The following ATF1 variants were observed in gnomAD, a reference collection of about 807,000 sequenced individuals.
The protein encoded by ATF1 is cyclic AMP-dependent transcription factor ATF-1.
ATF1 carries 16 observed loss-of-function variants against 34.7 expected under a neutral mutation model. The ratio of observed to expected loss-of-function variants is 0.46; its 90% CI spans 0.31 to 0.70. The LOEUF is 0.70. Ranked by LOEUF, ATF1 falls within the 30% of genes least tolerant of loss-of-function variation. ATF1 has a pLI of 0.05. For synonymous variants in ATF1, 105 were observed against 113.1 expected, an observed-to-expected ratio of 0.93 and a Z score of 0.46; for missense variants, 255 against 321.6, an observed-to-expected ratio of 0.79 and a Z score of 1.58.
intron 1 of ATF1, 171 bp downstream of exon 1, chr12:50,764,478 C>T (rs1331919054): frequency 6.6e-6 from 1 of 151,910 alleles, no homozygotes; most frequent in African/African-American, 2.4e-5. Context: ...GCGCTTCCGG[C>T]CTCCGCGCCT....
intron 2 of ATF1, among the ~76,000 whole-genome samples, chr12:50,795,568 C>A (rs1284730982): frequency 6.6e-6 from 1 of 152,154 alleles, no homozygotes; most frequent in African/African-American, 2.4e-5. Flanking sequence ...AGTAATAAAA[C>A]AACACTTTTA....
In ATF1 at chr12:50,814,240, CACTT is replaced by C. The variant is rs748504510; in HGVS notation, c.512-36_512-33del. The C allele has an allele frequency of 2.0e-5, 32 of 1,613,394 alleles. No individual in the cohort carries two copies. In the East Asian group the frequency reaches 6.2e-4, roughly 31 times the overall value. Reference sequence around the variant, plus strand: ...GAAAGTCTCCTAACACTGTCAGAGACACTTACTAACTAACTCATTCACTCTTGTT... The same window carrying C: ...GAAAGTCTCCTAACACTGTCAGAGACACTAACTAACTCATTCACTCTTGTT... On this transcript the variant is annotated intron_variant, in intron 5 of 6. Transcript: ENST00000262053.
chr12:50,771,488 A>G (rs1247298536), intron 1 of ATF1, among the ~76,000 whole-genome samples: 1 of 152,148 alleles, frequency 6.6e-6, no homozygotes, highest in Non-Finnish European at 1.5e-5. Flanking sequence ...TGAATGCAAG[A>G]GACCCTCATA....
intron 2 of ATF1, among the ~76,000 whole-genome samples, chr12:50,780,775 A>G (rs139229239): frequency 0.017 from 2,556 of 152,234 alleles, 76 homozygotes; most frequent in African/African-American, 0.059. Flanking sequence ...AGCCTGACCA[A>G]CATGGCGAAA....
At chr12:50,769,676 T>C (rs1418276973) in intron 1 of ATF1, among the ~76,000 whole-genome samples, 3 of 152,244 alleles carry the variant, frequency 2.0e-5, no homozygotes, top group African/African-American at 7.2e-5. Flanking sequence ...ATAATTGTTA[T>C]GCAAAATATT....
chr12:50,815,517 C>G (rs1941825859), intron 6 of ATF1, among the ~76,000 whole-genome samples: 1 of 151,736 alleles, frequency 6.6e-6, no homozygotes, highest in Non-Finnish European at 1.5e-5. Flanking sequence ...TCCCAAGTAG[C>G]TGAGACTACA....
At chr12:50,818,281 G>GTACAC (rs1941882915) in intron 6 of ATF1, among the ~76,000 whole-genome samples, 1 of 152,058 alleles carries the variant, frequency 6.6e-6, no homozygotes. Flanking sequence ...GTGTGGTGGT[G>GTACAC]TACACCTGTA....
At chr12:50,787,481 CCAG>C (rs1377410841) in intron 2 of ATF1, among the ~76,000 whole-genome samples, 1 of 152,002 alleles carries the variant, frequency 6.6e-6, no homozygotes. Flanking sequence ...GCCTGTAATC[CCAG>C]CAATTTAGGA....
chr12:50,777,231 G>A (rs1032246455), intron 1 of ATF1, among the ~76,000 whole-genome samples: 1 of 152,086 alleles, frequency 6.6e-6, no homozygotes, highest in Non-Finnish European at 1.5e-5. Context: ...CAAAATATGA[G>A]GATACAAAGT....
At chr12:50,775,296 T>G (rs1206713597) in intron 1 of ATF1, among the ~76,000 whole-genome samples, 1 of 152,136 alleles carries the variant, frequency 6.6e-6, no homozygotes, top group African/African-American at 2.4e-5. Flanking sequence ...ACTTGCTGAT[T>G]ATAGTGGCTT....
At chr12:50,769,543 A>C (rs1940721362) in intron 1 of ATF1, among the ~76,000 whole-genome samples, 1 of 152,142 alleles carries the variant, frequency 6.6e-6, no homozygotes, top group Non-Finnish European at 1.5e-5. Flanking sequence ...AGCATTATCA[A>C]ATGTCAAATG....
chr12:50,781,576 G>A (rs1288491595), intron 2 of ATF1, among the ~76,000 whole-genome samples: 3 of 151,816 alleles, frequency 2.0e-5, no homozygotes, highest in Non-Finnish European at 4.4e-5. Flanking sequence ...TCAGCCTCCC[G>A]AGTAGCTGGG....
At chr12:50,788,187 CTTT>C (rs113494562) in intron 2 of ATF1, 97 of 423,864 alleles carry the variant, frequency 2.3e-4, no homozygotes, top group Admixed American at 5.8e-4. Context: ...TATAGCCAAT[CTTT>C]TTTTTTTTTT....
At chr12:50,767,665 C>T (rs916320093) in intron 1 of ATF1, among the ~76,000 whole-genome samples, 2 of 152,204 alleles carry the variant, frequency 1.3e-5, no homozygotes, top group Admixed American at 1.3e-4. Flanking sequence ...TCCTTGGGAG[C>T]TTGACCTTTT....
At chr12:50,817,398 A>G (rs1260399906) in intron 6 of ATF1, among the ~76,000 whole-genome samples, 2 of 152,230 alleles carry the variant, frequency 1.3e-5, no homozygotes, top group African/African-American at 4.8e-5. Context: ...ATTGAATGAA[A>G]AAACAAGTTG....
intron 3 of ATF1, among the ~76,000 whole-genome samples, chr12:50,799,571 T>C (rs1941474551): frequency 6.6e-6 from 1 of 152,122 alleles, no homozygotes; most frequent in South Asian, 2.1e-4. Context: ...GTTGGAATTA[T>C]ATGACAAGGA....
intron 1 of ATF1, among the ~76,000 whole-genome samples, chr12:50,776,493 TAAAAAAAAAAAA>T (rs771176201): frequency 8.6e-6 from 1 of 116,870 alleles, no homozygotes; most frequent in Non-Finnish European, 1.8e-5. Context: ...ACCCTGTCTT[TAAAAAAAAAAAA>T]AAAAAAAGAA....
At position 50,814,376 on chromosome 12, in the gene ATF1, C is replaced by T. The variant is rs746321131; in HGVS notation, c.608C>T (p.Thr203Ile). The stretch of plus-strand genomic sequence containing the variant: ...GTGATGACATCTCCTGTGACTCTCA[C>T]CTCTCAGACAACTAAGACAGATGAC... ...TVVMTSPVTL[T>I]SQTTKTDDPQ... is the part of the protein sequence containing the mutation. The change falls in exon 6 of 7, where the codon ACC becomes ATC. Residue 203 changes from threonine to isoleucine, a missense_variant. Around this residue, in one of 2 missense-constraint regions of ATF1, gnomAD observed 221 missense variants for 250.7 expected, o/e 0.88. Transcript: ENST00000262053. The T allele has an allele frequency of 6.2e-7, 1 of 1,614,136 alleles. No individual in the cohort carries two copies. Among genetic ancestry groups the T allele is most frequent in the Non-Finnish European group, 8.5e-7 (1 of 1,179,978 alleles).
intron 1 of ATF1, 99 bp downstream of exon 1, chr12:50,764,406 T>G (rs1265586204): frequency 3.5e-5 from 2 of 56,428 alleles, no homozygotes; most frequent in African/African-American, 6.3e-5. Flanking sequence ...GCGCGCCTGG[T>G]GGGGGTCGCG....
Sources: gnomAD v4.1 joint callset for allele counts (sites outside exome capture counted in the v4.1 genomes callset) on GRCh38, gnomAD v4.1.1 for gene constraint, gnomAD v4.1.1 regional missense constraint, MANE v1.5 for transcripts, NCBI Gene and HGNC (gene_info 2026-07-23, HGNC 2026-07-21) for gene names.